Variants in TMEM268 observed in about 807,000 individuals in gnomAD.
TMEM268 encodes the protein transmembrane protein 268, also known as transmembrane protein C9orf91.
Under a neutral mutation model 39.1 loss-of-function variants are expected in TMEM268, and 24 were observed. The ratio of observed to expected loss-of-function variants is 0.61; its 90% CI spans 0.44 to 0.86. The LOEUF (loss-of-function observed/expected upper bound fraction) is 0.86. TMEM268 is among the 40% of genes least tolerant of loss of function. The pLI, the probability that TMEM268 is intolerant of heterozygous loss-of-function variation, is 0.00. For synonymous variants in TMEM268, 176 were observed against 173.5 expected, an observed-to-expected ratio of 1.01 and a Z score of -0.12; for missense variants, 409 against 428.6, an observed-to-expected ratio of 0.95 and a Z score of 0.40.
intron 6 of TMEM268, among the ~76,000 whole-genome samples, chr9:114,634,800 A>G (rs1439525099): frequency 3.0e-5 from 4 of 133,888 alleles, no homozygotes; most frequent in East Asian, 2.5e-4. Flanking sequence ...CAGAGAACAC[A>G]TGCAGGTCCC....
At position 114,638,697 on chromosome 9, in the gene TMEM268, C is replaced by A; in HGVS notation, c.820C>A (p.His274Asn). 6.3e-7 allele frequency: 1 copy of A among 1,597,970 alleles called. No individual in the cohort carries two copies. Among genetic ancestry groups the A allele is most frequent in the Admixed American group, 1.7e-5 (1 of 57,380 alleles). ...NERPLMQTEL[H>N]QLVPEAEPEE... ...GAGGCCACTCATGCAGACTGAGCTT[C>A]ATCAGCTTGTTCCTGAGGCTGAGCC... The change falls in exon 8 of 9, where the codon CAT becomes AAT. Residue 274 changes from histidine (H) to asparagine (N), a missense_variant. Coordinates refer to ENST00000288502, the MANE Select transcript of TMEM268 (RefSeq NM_153045.4).
rs1269078551 is a variant in TMEM268, at chr9:114,637,089, AAAAAC to A, written c.666+29_666+33del. The A allele has an allele frequency of 2.6e-6, 4 of 1,552,178 alleles. No homozygotes were observed. The highest frequency in any genetic ancestry group is 2.7e-6 in the Non-Finnish European group (3 of 1,125,028). ...CCAAGAGGTAAGATATCTTCAGTGA[AAAAAC>A]AAAACAAAAACCAGGAGGCCAAGTT... On this transcript the variant is annotated intron_variant, in intron 7 of 8. Coordinates refer to ENST00000288502, the MANE Select transcript of TMEM268 (RefSeq NM_153045.4).
At chr9:114,605,483 C>G in the TMEM268 span, among the ~76,000 whole-genome samples, 1 of 152,070 alleles carries the variant, frequency 6.6e-6, no homozygotes, top group Non-Finnish European at 1.5e-5. Flanking sequence ...TCTTCTCTGG[C>G]TTTTAAAAAA....
chr9:114,628,354 T>G, intron 5 of TMEM268, 104 bp downstream of exon 5: 1 of 1,349,828 alleles, frequency 7.4e-7, no homozygotes, highest in Non-Finnish European at 1.0e-6. Context: ...TCCCTGGCCA[T>G]GAAAATTCAC....
chr9:114,631,290 A>AAAAAAAAAAAAAAG (rs1554758586), intron 5 of TMEM268, among the ~76,000 whole-genome samples: 1,620 of 23,518 alleles, frequency 0.069, 18 homozygotes, highest in Non-Finnish European at 0.14. Flanking sequence ...CTCAAAAAAA[A>AAAAAAAAAAAAAAG]AAAAAAAAAA....
chr9:114,638,200 C>G (rs1846725616), intron 7 of TMEM268, among the ~76,000 whole-genome samples: 1 of 152,156 alleles, frequency 6.6e-6, no homozygotes, highest in Admixed American at 6.5e-5. Flanking sequence ...TGCCACCACA[C>G]CAGGCTAATT....
chr9:114,623,045 G>A (rs932447675), intron 2 of TMEM268, among the ~76,000 whole-genome samples: 2 of 152,048 alleles, frequency 1.3e-5, no homozygotes, highest in Admixed American at 1.3e-4. Flanking sequence ...AGCTGAGATC[G>A]TGCCACTGCA....
intron 5 of TMEM268, 65 bp from the exon 6 acceptor site, chr9:114,633,703 C>T (rs1433358467): frequency 3.6e-6 from 3 of 829,114 alleles, no homozygotes; most frequent in South Asian, 1.8e-5. Context: ...GTTTCTACTG[C>T]CCAGAGCCTG....
rs773743866 is a variant in TMEM268 at position 114,637,069 on chromosome 9, A to G, written c.665A>G (p.Glu222Gly). The G allele has an allele frequency of 7.5e-6, 12 of 1,597,908 alleles. No individual in the cohort carries two copies. The East Asian group carries it at 2.5e-4, about 33-fold the overall frequency. The stretch of plus-strand genomic sequence containing the variant: ...GTTCAAGAAATGAAGACTAGCCAAG[A>G]GGTAAGATATCTTCAGTGAAAAAAC... The part of the protein sequence containing the change: ...DHVQEMKTSQ[E>G]SLLRSRLSQL... Residue 222 changes from glutamate to glycine, a missense_variant and splice_region_variant, in exon 7 of 9, where the codon GAG becomes GGG. Glu to Gly is a moderately conservative substitution (Grantham distance 98). Transcript: ENST00000288502.
In TMEM268 at chr9:114,638,611, C is replaced by T. The variant is rs147639174; in HGVS notation, c.734C>T (p.Ala245Val). The change falls in exon 8 of 9, where the codon GCG (alanine) becomes GTG (valine). Residue 245 changes from alanine to valine, a missense_variant. Coordinates refer to ENST00000288502, the MANE Select transcript of TMEM268 (RefSeq NM_153045.4). ...GAGACTGGGGTGAGCCCTGCAACAG[C>T]GGAGGGGCCTGAGAACTTGGAGGAT... ...VMETGVSPATAEGPENLEDAP... is the reference protein window; with the variant it reads ...VMETGVSPATVEGPENLEDAP... 1.1e-4 allele frequency: 175 copies of T among 1,609,308 alleles called. 1 individual carries two copies. The African/African-American group carries it at 2.0e-3, about 19-fold the overall frequency.
chr9:114,635,674 G>A (rs1366641136), intron 6 of TMEM268, among the ~76,000 whole-genome samples: 1 of 151,818 alleles, frequency 6.6e-6, no homozygotes, highest in African/African-American at 2.4e-5. Context: ...GTGAGACCCT[G>A]TCTCAAAAAA....
rs774995025 is a variant in TMEM268 at position 114,633,985 on chromosome 9, T to A, written c.585+107T>A. On this transcript the variant is annotated intron_variant, in intron 6 of 8. Transcript: ENST00000288502. ...AGCCTACACAGTGTTTGCAGTAGTC[T>A]GCTAATGAGATGGCTGTTGGCAGCC... 3.0e-4 allele frequency: 172 copies of A among 569,564 alleles called. 1 individual carries two copies. Among genetic ancestry groups the A allele is most frequent in the Non-Finnish European group, 4.4e-4 (146 of 328,316 alleles). 35.3% of individuals were successfully genotyped at this position (569,564 alleles called of 1,614,324 possible). A position where few individuals can be genotyped will look rare whatever the true frequency, so the allele number is the denominator to read the frequency against.
At chr9:114,627,386 C>A (rs1564291787) in intron 4 of TMEM268, among the ~76,000 whole-genome samples, 1 of 151,990 alleles carries the variant, frequency 6.6e-6, no homozygotes, top group Non-Finnish European at 1.5e-5. Flanking sequence ...TATACATGTA[C>A]ATATATATGT....
chr9:114,626,450 C>T (rs2133645528), intron 3 of TMEM268, among the ~76,000 whole-genome samples: 1 of 152,294 alleles, frequency 6.6e-6, no homozygotes, highest in African/African-American at 2.4e-5. Flanking sequence ...AGGGACTGGC[C>T]CTTTGCTCAG....
At position 114,643,315 on chromosome 9, in the gene TMEM268, C is replaced by A; in HGVS notation, c.*2C>A. 6.2e-7 allele frequency: 1 copy of A among 1,613,856 alleles called. No homozygotes were observed. The highest frequency in any genetic ancestry group is 8.5e-7 in the Non-Finnish European group (1 of 1,179,866). On this transcript the variant is annotated 3_prime_UTR_variant, in exon 9 of 9. Coordinates refer to ENST00000288502, the MANE Select transcript of TMEM268 (RefSeq NM_153045.4). ...TGCTGCCCGTTCCTGGCGAGGTGAC[C>A]TAGGGATGAAGGTACTCATCTTCCT...
chr9:114,618,496 C>A (rs1428780413), intron 2 of TMEM268, among the ~76,000 whole-genome samples: 2 of 151,932 alleles, frequency 1.3e-5, no homozygotes, highest in Non-Finnish European at 2.9e-5. Context: ...CATGGTAAAA[C>A]CCTTTCTCTA....
chr9:114,617,158 C>A lies in TMEM268; in HGVS notation c.-38C>A. 1 of 1,376,422 alleles carries A rather than the reference C, an allele frequency of 7.3e-7. No individual in the cohort carries two copies. The highest frequency in any genetic ancestry group is 1.0e-6 in the Non-Finnish European group (1 of 982,480). The allele number at this position is 1,376,422 out of a possible 1,614,324, so 85.3% of individuals were successfully genotyped here. The stretch of plus-strand genomic sequence containing the variant: ...CTGGCTGCTCCAGAATGAACCACAG[C>A]TCTGAGAAGGGGAAGTAGAAACAGC... On this transcript the variant is annotated 5_prime_UTR_variant, in exon 2 of 9. Transcript: ENST00000288502.
chr9:114,606,174 C>G, the TMEM268 span, among the ~76,000 whole-genome samples: 1 of 152,146 alleles, frequency 6.6e-6, no homozygotes, highest in Non-Finnish European at 1.5e-5. Context: ...GAGGGGAGTT[C>G]TCCCTCTTCT....
At position 114,645,707 on chromosome 9, in the gene TMEM268, G is replaced by T. The variant is rs1827546687; in HGVS notation, c.*2394G>T. ...ATGACAAAGCAGCAGTTTTTCAATT[G>T]TAAGGTCTGCTTGAGAGCCTTTGAT... On this transcript the variant is annotated 3_prime_UTR_variant, in exon 9 of 9. Transcript: ENST00000288502. 1.3e-5 allele frequency: 2 copies of T among 152,278 alleles called. No individual in the cohort carries two copies. Among genetic ancestry groups the T allele is most frequent in the African/African-American group, 4.8e-5 (2 of 41,450 alleles). 9.4% of individuals were successfully genotyped at this position (152,278 alleles called of 1,614,324 possible).
Sources: gnomAD v4.1 joint callset for allele counts (sites outside exome capture counted in the v4.1 genomes callset) on GRCh38, gnomAD v4.1.1 for gene constraint, MANE v1.5 for transcripts, NCBI Gene and HGNC (gene_info 2026-07-23, HGNC 2026-07-21) for gene names.